The following FRMPD2 variants were observed in gnomAD, a reference collection of about 807,000 sequenced individuals.
The protein encoded by FRMPD2 is FERM and PDZ domain containing 2.
FRMPD2 carries 96 observed loss-of-function variants against 140.1 expected under a neutral mutation model. That is an observed-to-expected ratio of 0.69 (90% CI 0.58 to 0.81). The LOEUF (loss-of-function observed/expected upper bound fraction) is 0.81. FRMPD2 is among the 40% of genes least tolerant of loss of function. The probability of loss-of-function intolerance (pLI) is 0.00; values close to 1 mark genes in which losing one functional copy is unlikely to be tolerated. For synonymous variants in FRMPD2, 449 were observed against 547.6 expected, an observed-to-expected ratio of 0.82 and a Z score of 2.52; for missense variants, 1,240 against 1,447.4, an observed-to-expected ratio of 0.86 and a Z score of 2.32.
intron 24 of FRMPD2, among the ~76,000 whole-genome samples, chr10:48,174,539 C>T (rs1223581805): frequency 2.0e-5 from 3 of 151,786 alleles, no homozygotes; most frequent in Non-Finnish European, 4.4e-5. Flanking sequence ...GGGGCTGGGG[C>T]AGCCAGAGCC....
At chr10:48,274,160 C>A (rs1424613431) in intron 1 of FRMPD2, among the ~76,000 whole-genome samples, 2 of 152,166 alleles carry the variant, frequency 1.3e-5, no homozygotes, top group Non-Finnish European at 2.9e-5. Flanking sequence ...CCCCATGAAT[C>A]CTCAGCAACA....
At chr10:48,189,177 A>G (rs1006588946) in intron 16 of FRMPD2, among the ~76,000 whole-genome samples, 1 of 152,224 alleles carries the variant, frequency 6.6e-6, no homozygotes. Flanking sequence ...CTCAGAGCCA[A>G]GGATATACCA....
chr10:48,238,174 C>T (rs1840016267), intron 7 of FRMPD2, 51 bp from the exon 8 acceptor site: 10 of 1,585,740 alleles, frequency 6.3e-6, no homozygotes, highest in Non-Finnish European at 8.5e-6. Context: ...CAAGGGCTTC[C>T]ATGGCATGAA....
intron 4 of FRMPD2, 41 bp from the exon 5 acceptor site, chr10:48,242,393 A>T (rs769559168): frequency 6.3e-7 from 1 of 1,576,420 alleles, no homozygotes; most frequent in Admixed American, 1.8e-5. Flanking sequence ...GAGCAGCCAG[A>T]GCTGCCACTA....
chr10:48,248,931 G>T, intron 3 of FRMPD2, 90 bp downstream of exon 3: 2 of 1,214,854 alleles, frequency 1.6e-6, no homozygotes, highest in Non-Finnish European at 1.1e-6. Flanking sequence ...AGCTCTGCAA[G>T]GCTGAGCTGG....
intron 9 of FRMPD2, among the ~76,000 whole-genome samples, chr10:48,233,041 C>T (rs1157538931): frequency 6.6e-6 from 1 of 152,212 alleles, no homozygotes; most frequent in Admixed American, 6.5e-5. Context: ...TCAGGTCAGG[C>T]TCTGGAGCCC....
intron 12 of FRMPD2, among the ~76,000 whole-genome samples, chr10:48,216,422 G>A (rs1318035538): frequency 2.0e-5 from 3 of 152,082 alleles, no homozygotes; most frequent in Non-Finnish European, 1.5e-5. Flanking sequence ...CTGGAACCCT[G>A]GGGCAAGAGA....
At chr10:48,219,050 C>G (rs1001407786) in intron 12 of FRMPD2, among the ~76,000 whole-genome samples, 1 of 152,048 alleles carries the variant, frequency 6.6e-6, no homozygotes, top group East Asian at 1.9e-4. Context: ...GGGCCAGGAA[C>G]TCTAGGGGGT....
Position 48,249,096 on chromosome 10 carries a change from A to T in FRMPD2, c.234T>A (p.His78Gln). ...GGGCCTTGAAAGGAGCAGCCTCTAT[A>T]TGAGAAACACGGCCTTGGAAAGAAA... ...GSLSFQGRVS[H>Q]IEAAPFKAPE... Residue 78 changes from histidine (H) to glutamine (Q), a missense_variant, in exon 3 of 29, where the codon CAT becomes CAA. His to Gln is a conservative substitution (Grantham distance 24). This residue lies in a region of FRMPD2 where 1,161 missense variants were observed against 1,055.9 expected (regional missense o/e 1.10). Coordinates refer to ENST00000374201, the MANE Select transcript of FRMPD2 (RefSeq NM_001018071.4). 1 of 1,614,032 alleles carries T rather than the reference A, an allele frequency of 6.2e-7. No individual in the cohort carries two copies. Among genetic ancestry groups the T allele is most frequent in the Non-Finnish European group, 8.5e-7 (1 of 1,180,004 alleles).
At chr10:48,232,859 TCATCTCCCAC>T (rs1161872120) in intron 9 of FRMPD2, among the ~76,000 whole-genome samples, 1 of 152,164 alleles carries the variant, frequency 6.6e-6, no homozygotes, top group African/African-American at 2.4e-5. Context: ...TTCTGCCTCT[TCATCTCCCAC>T]CACAGCCCCA....
At position 48,242,275 on chromosome 10, in the gene FRMPD2, C is replaced by T; in HGVS notation, c.453G>A (p.Leu151=). ...CCCGACAAGCTTCCAGAACCGACTG[C>T]AACGTGCACCGCCTGTGAGGCTGGT... ...CEDQPHRRCT[L]QSVLEACRVH... is the part of the protein sequence containing the mutation. The change falls in exon 5 of 29, where the codon TTG becomes TTA. Residue 151 remains leucine, a synonymous_variant. Coordinates refer to ENST00000374201, the MANE Select transcript of FRMPD2 (RefSeq NM_001018071.4). The T allele has an allele frequency of 6.2e-7, 1 of 1,614,152 alleles. No individual in the cohort carries two copies. The highest frequency in any genetic ancestry group is 8.5e-7 in the Non-Finnish European group (1 of 1,180,002).
At chr10:48,217,456 GC>G (rs150194111) in intron 12 of FRMPD2, among the ~76,000 whole-genome samples, 224 of 152,318 alleles carry the variant, frequency 1.5e-3, no homozygotes, top group African/African-American at 5.2e-3. Flanking sequence ...CGGGAGGAAA[GC>G]AAGACAATGT....
At chr10:48,214,435 T>C (rs1368102043) in intron 12 of FRMPD2, among the ~76,000 whole-genome samples, 1 of 152,206 alleles carries the variant, frequency 6.6e-6, no homozygotes, top group Non-Finnish European at 1.5e-5. Flanking sequence ...TCAGTGGTAA[T>C]GGTGTGTCAA....
In FRMPD2 at chr10:48,223,985, G is replaced by A. The variant is rs562417973; in HGVS notation, c.1169-715C>T. 5.3e-5 allele frequency among the ~76,000 whole-genome samples: 8 copies of A among 152,334 alleles called. No homozygotes were observed. In the South Asian group the frequency reaches 1.5e-3, roughly 28 times the overall value. On this transcript the variant is annotated intron_variant, in intron 10 of 28. Transcript: ENST00000374201. ...ACCTCCAGAGCTGTGAGAAAGAAGG[G>A]TCTATTTTTGAGCCATCCCCTCTGT... is the stretch of plus-strand genomic sequence containing the variant.
chr10:48,259,386 G>A (rs1047342120), intron 1 of FRMPD2, among the ~76,000 whole-genome samples: 1 of 152,144 alleles, frequency 6.6e-6, no homozygotes, highest in Admixed American at 6.5e-5. Context: ...TGGAAGGCTG[G>A]GGTTTTGAGC....
chr10:48,199,313 T>A (rs1554794330), intron 15 of FRMPD2, among the ~76,000 whole-genome samples: 3 of 148,790 alleles, frequency 2.0e-5, no homozygotes, highest in Non-Finnish European at 4.4e-5. Context: ...GTACCTTAAA[T>A]TTTTAAGATA....
At chr10:48,254,524 A>C (rs753168855) in intron 1 of FRMPD2, among the ~76,000 whole-genome samples, 6 of 152,330 alleles carry the variant, frequency 3.9e-5, no homozygotes, top group Non-Finnish European at 7.3e-5. Flanking sequence ...CTAGCCCACC[A>C]GCCCTTAACA....
At chr10:48,216,908 T>A (rs997406818) in intron 12 of FRMPD2, among the ~76,000 whole-genome samples, 3 of 152,042 alleles carry the variant, frequency 2.0e-5, no homozygotes, top group Non-Finnish European at 2.9e-5. Flanking sequence ...GGCCTAGGCA[T>A]GAAAAGGGCC....
intron 16 of FRMPD2, among the ~76,000 whole-genome samples, chr10:48,189,951 C>G (rs1011756814): frequency 6.6e-6 from 1 of 152,130 alleles, no homozygotes; most frequent in Admixed American, 6.5e-5. Flanking sequence ...ATGACTATTA[C>G]TACCACTGGA....
Sources: allele counts gnomAD v4.1 joint callset (sites outside exome capture counted in the v4.1 genomes callset), GRCh38; gene constraint gnomAD v4.1.1; regional missense constraint gnomAD v4.1.1; transcripts MANE v1.5; gene names NCBI Gene and HGNC (gene_info 2026-07-23, HGNC 2026-07-21).